The following PAK5 variants were observed in gnomAD, a reference collection of about 807,000 sequenced individuals.
PAK5 encodes p21 (RAC1) activated kinase 5.
In PAK5, 16 loss-of-function variants were observed where a neutral mutation model predicts 65.9. That is an observed-to-expected ratio of 0.24 (90% CI 0.16 to 0.37). The LOEUF is 0.37. Ranked by LOEUF, PAK5 falls within the 10% of genes least tolerant of loss-of-function variation. PAK5 has a pLI of 1.00. For synonymous variants in PAK5, 371 were observed against 354.9 expected (o/e 1.05, Z -0.51); for missense variants, 785 against 903.9 (o/e 0.87, Z 1.69).
At chr20:9,754,495 G>A (rs904700972) in intron 1 of PAK5, among the ~76,000 whole-genome samples, 1 of 152,110 alleles carries the variant, frequency 6.6e-6, no homozygotes, top group Non-Finnish European at 1.5e-5. Context: ...GTGATCCATT[G>A]AGTGCAAGGT....
intron 3 of PAK5, among the ~76,000 whole-genome samples, chr20:9,592,174 G>C (rs1200859755): frequency 6.6e-6 from 1 of 152,130 alleles, no homozygotes; most frequent in Admixed American, 6.6e-5. Context: ...TAGACTCTAA[G>C]AACTCTAAAA....
chr20:9,704,000 A>C (rs1425636137), intron 2 of PAK5, among the ~76,000 whole-genome samples: 1 of 152,190 alleles, frequency 6.6e-6, no homozygotes, highest in Non-Finnish European at 1.5e-5. Flanking sequence ...CTTCTCTGTC[A>C]GAAAAAGAAG....
chr20:9,708,218 C>T (rs895639874), intron 2 of PAK5, among the ~76,000 whole-genome samples: 1 of 152,092 alleles, frequency 6.6e-6, no homozygotes, highest in African/African-American at 2.4e-5. Flanking sequence ...TACACTGTTG[C>T]CTAAGCCAAG....
chr20:9,823,996 G>A lies in PAK5; in HGVS notation c.-162+14766C>T, dbSNP rs577567807. Among the ~76,000 whole-genome samples the A allele has an allele frequency of 7.2e-5, 11 of 152,176 alleles. No homozygotes were observed. In the South Asian group the frequency reaches 1.9e-3, roughly 26 times the overall value. On this transcript the variant is annotated intron_variant, in intron 1 of 9. Coordinates refer to ENST00000353224, the MANE Select transcript of PAK5 (RefSeq NM_177990.4). The stretch of plus-strand genomic sequence containing the variant: ...AATAATGATAACACCTAATTTATAA[G>A]CCTACTGCAAGAATTAAATGAGATA...
In PAK5 at chr20:9,667,367, T is replaced by C. The variant is rs916052892; in HGVS notation, c.-11-23028A>G. Reference sequence around the variant, plus strand: ...AGAGTTATGCTTTGCCAGTCTGTGTTCAGGCCCTAAGAGACTAGCAGCTTC... The same window carrying C: ...AGAGTTATGCTTTGCCAGTCTGTGTCCAGGCCCTAAGAGACTAGCAGCTTC... On this transcript the variant is annotated intron_variant, in intron 2 of 9. Coordinates refer to ENST00000353224, the MANE Select transcript of PAK5 (RefSeq NM_177990.4). Among the ~76,000 whole-genome samples, 7 of 144,410 alleles carry C rather than the reference T, an allele frequency of 4.8e-5. 1 individual carries two copies. Among genetic ancestry groups the C allele is most frequent in the African/African-American group, 1.9e-4 (7 of 37,674 alleles). 94.7% of individuals were successfully genotyped at this position (144,410 alleles called of 152,430 possible).
intron 1 of PAK5, among the ~76,000 whole-genome samples, chr20:9,815,774 A>G (rs1160092127): frequency 2.0e-5 from 3 of 152,128 alleles, no homozygotes; most frequent in Non-Finnish European, 4.4e-5. Flanking sequence ...AATCCCACCA[A>G]CCTACTCAGG....
chr20:9,673,032 T>G (rs537175262), intron 2 of PAK5, among the ~76,000 whole-genome samples: 1 of 152,188 alleles, frequency 6.6e-6, no homozygotes, highest in African/African-American at 2.4e-5. Flanking sequence ...TTCATCTTTA[T>G]GCAAAACAAT....
intron 1 of PAK5, among the ~76,000 whole-genome samples, chr20:9,771,334 C>A (rs1325012161): frequency 1.3e-5 from 2 of 152,132 alleles, no homozygotes; most frequent in African/African-American, 4.8e-5. Context: ...AACTTCATGT[C>A]ATTCAACCTA....
chr20:9,760,070 C>T (rs926339075), intron 1 of PAK5, among the ~76,000 whole-genome samples: 1 of 152,136 alleles, frequency 6.6e-6, no homozygotes, highest in African/African-American at 2.4e-5. Flanking sequence ...AACCATGTAG[C>T]TGTCCTTCCC....
rs570240306 is a variant in PAK5 at position 9,537,714 on chromosome 20, A to G, written c.*1748T>C. 3.9e-4 allele frequency: 87 copies of G among 220,460 alleles called. No individual in the cohort carries two copies. Among genetic ancestry groups the G allele is most frequent in the Middle Eastern group, 1.4e-3 (1 of 724 alleles). 13.7% of individuals were successfully genotyped at this position (220,460 alleles called of 1,614,324 possible). A position where few individuals can be genotyped will look rare whatever the true frequency, so the allele number is the denominator to read the frequency against. Reference sequence around the variant, plus strand: ...TAGGACTGCCATTTTCTGGATTTAGATTGTTTTTATTCTCACATATTTATA... The same window carrying G: ...TAGGACTGCCATTTTCTGGATTTAGGTTGTTTTTATTCTCACATATTTATA... On this transcript the variant is annotated 3_prime_UTR_variant, in exon 10 of 10. Transcript: ENST00000353224.
At chr20:9,710,295 G>T (rs2048062385) in intron 2 of PAK5, among the ~76,000 whole-genome samples, 1 of 152,088 alleles carries the variant, frequency 6.6e-6, no homozygotes, top group Admixed American at 6.5e-5. Context: ...TAGAATATGA[G>T]ATTTTGGGCA....
rs2045225812 is a variant in PAK5, at chr20:9,539,562, T to A, written c.2060A>T (p.Gln687Leu). The A allele has an allele frequency of 7.4e-6, 12 of 1,613,762 alleles. No homozygotes were observed. The East Asian group carries it at 2.7e-4, about 36-fold the overall frequency. The change falls in exon 10 of 10, where the codon CAG becomes CTG. Residue 687 changes from glutamine to leucine, a missense_variant. Physicochemically the swap from Gln to Leu is moderately radical, Grantham distance 113. Coordinates refer to ENST00000353224, the MANE Select transcript of PAK5 (RefSeq NM_177990.4). ...GAGGAGTTCCTGGGCTGTTGCTCTC[T>A]GAGAGGGCTCCCTCACCAACATCAA... Reference protein sequence around the residue: ...LDLMLVREPSQRATAQELLGH... With the variant: ...LDLMLVREPSLRATAQELLGH...
intron 1 of PAK5, among the ~76,000 whole-genome samples, chr20:9,773,873 C>G (rs963687615): frequency 6.6e-6 from 1 of 152,194 alleles, no homozygotes; most frequent in South Asian, 2.1e-4. Context: ...AGCAGAGTTA[C>G]GATGTGTGCT....
At chr20:9,806,801 A>C (rs1437794034) in intron 1 of PAK5, among the ~76,000 whole-genome samples, 2 of 152,348 alleles carry the variant, frequency 1.3e-5, no homozygotes, top group East Asian at 3.9e-4. Context: ...ACTATAATAA[A>C]TCACCACAAA....
At chr20:9,729,627 C>T (rs1348331166) in intron 1 of PAK5, among the ~76,000 whole-genome samples, 1 of 152,144 alleles carries the variant, frequency 6.6e-6, no homozygotes, top group African/African-American at 2.4e-5. Context: ...TTGATCTTCC[C>T]TGCTTCTACT....
intron 2 of PAK5, among the ~76,000 whole-genome samples, chr20:9,682,935 G>A (rs1014343975): frequency 6.6e-6 from 1 of 152,210 alleles, no homozygotes; most frequent in Non-Finnish European, 1.5e-5. Flanking sequence ...TTCTGTGAAA[G>A]AAGCTGTAGG....
chr20:9,659,830 T>C (rs2086135402), intron 2 of PAK5, among the ~76,000 whole-genome samples: 1 of 152,182 alleles, frequency 6.6e-6, no homozygotes, highest in African/African-American at 2.4e-5. Flanking sequence ...CAAATAGAAA[T>C]GGTAGTCCTG....
intron 1 of PAK5, among the ~76,000 whole-genome samples, chr20:9,834,297 A>G (rs1978975595): frequency 6.6e-6 from 1 of 152,188 alleles, no homozygotes; most frequent in African/African-American, 2.4e-5. Flanking sequence ...TCCCTTGGGC[A>G]CTCAGTCTTA....
chr20:9,732,725 T>C (rs1192698017), intron 1 of PAK5, among the ~76,000 whole-genome samples: 1 of 152,206 alleles, frequency 6.6e-6, no homozygotes, highest in Non-Finnish European at 1.5e-5. Flanking sequence ...GGTCTGTCAA[T>C]ATCTGTCTCC....
Sources: gnomAD v4.1 joint callset for allele counts (sites outside exome capture counted in the v4.1 genomes callset) on GRCh38, gnomAD v4.1.1 for gene constraint, MANE v1.5 for transcripts, NCBI Gene and HGNC (gene_info 2026-07-23, HGNC 2026-07-21) for gene names.